Variants in PTPRG observed in about 807,000 individuals in gnomAD.
PTPRG encodes the protein receptor-type tyrosine-protein phosphatase gamma.
A neutral mutation model predicts 165.3 loss-of-function variants in PTPRG; 102 were observed. The observed-to-expected ratio is 0.62, with a 90% CI of 0.53 to 0.73. The LOEUF is 0.73. Among genes scored for constraint, PTPRG ranks in the 30% least tolerant of loss-of-function variants. The probability of loss-of-function intolerance (pLI) is 0.00; values close to 1 mark genes in which losing one functional copy is unlikely to be tolerated. For synonymous variants in PTPRG, 675 were observed against 669.5 expected (o/e 1.01, Z -0.13); for missense variants, 1,866 against 1,861.4 (o/e 1.00, Z -0.05).
intron 5 of PTPRG, among the ~76,000 whole-genome samples, chr3:62,092,869 C>T (rs1423610866): frequency 6.6e-6 from 1 of 152,092 alleles, no homozygotes; most frequent in Non-Finnish European, 1.5e-5. Flanking sequence ...AACAGTTGTG[C>T]AGTGGGAAGG....
intron 1 of PTPRG, among the ~76,000 whole-genome samples, chr3:61,721,371 T>C (rs1259094515): frequency 1.3e-5 from 2 of 152,164 alleles, no homozygotes; most frequent in East Asian, 1.9e-4. Flanking sequence ...GTGCCTCCAG[T>C]AGAGATGTTT....
chr3:62,055,325 G>GA (rs1173319367), intron 4 of PTPRG, among the ~76,000 whole-genome samples: 1 of 152,222 alleles, frequency 6.6e-6, no homozygotes, highest in East Asian at 1.9e-4. Flanking sequence ...AGGCATCACA[G>GA]AAATATCGCT....
At chr3:61,917,590 G>A (rs150604621) in intron 2 of PTPRG, among the ~76,000 whole-genome samples, 8 of 152,228 alleles carry the variant, frequency 5.3e-5, no homozygotes, top group Admixed American at 2.0e-4. Flanking sequence ...TCTTGGTTAC[G>A]TGTCCTGCTA....
chr3:62,040,595 A>G (rs939107594), intron 4 of PTPRG, among the ~76,000 whole-genome samples: 2 of 152,176 alleles, frequency 1.3e-5, no homozygotes, highest in African/African-American at 4.8e-5. Flanking sequence ...CTGGTACTAC[A>G]GGCATGCGCC....
At chr3:61,991,933 T>G (rs1325590386) in intron 3 of PTPRG, among the ~76,000 whole-genome samples, 1 of 152,228 alleles carries the variant, frequency 6.6e-6, no homozygotes, top group African/African-American at 2.4e-5. Flanking sequence ...CAGAAGCTGA[T>G]TATCAATCTG....
At chr3:62,256,843 T>G (rs1701547599) in intron 16 of PTPRG, among the ~76,000 whole-genome samples, 1 of 152,196 alleles carries the variant, frequency 6.6e-6, no homozygotes, top group Non-Finnish European at 1.5e-5. Context: ...TCTGTAAACT[T>G]GATCTGACTT....
At chr3:61,909,947 A>G (rs183476015) in intron 2 of PTPRG, among the ~76,000 whole-genome samples, 22 of 152,298 alleles carry the variant, frequency 1.4e-4, no homozygotes, top group Admixed American at 3.3e-4. Flanking sequence ...TCTTCATGGC[A>G]TACTGTCCTC....
intron 1 of PTPRG, among the ~76,000 whole-genome samples, chr3:61,650,024 T>A (rs141009123): frequency 6.6e-6 from 1 of 152,048 alleles, no homozygotes; most frequent in African/African-American, 2.4e-5. Context: ...ATAAGGGGAG[T>A]CTCTGGTTTC....
chr3:62,035,543 C>T (rs1380377851), intron 4 of PTPRG, among the ~76,000 whole-genome samples: 2 of 152,168 alleles, frequency 1.3e-5, no homozygotes, highest in African/African-American at 2.4e-5. Context: ...TACAAGTATT[C>T]CTGTTCAGCT....
At chr3:61,879,275 G>A (rs1259359741) in intron 2 of PTPRG, among the ~76,000 whole-genome samples, 1 of 152,138 alleles carries the variant, frequency 6.6e-6, no homozygotes, top group African/African-American at 2.4e-5. Flanking sequence ...TCTAGGCTGT[G>A]TTTTTCTCTG....
intron 15 of PTPRG, among the ~76,000 whole-genome samples, chr3:62,246,793 A>G (rs1576175302): frequency 1.3e-5 from 2 of 152,286 alleles, no homozygotes. Context: ...TCTCAGTTAT[A>G]TTTTATCCCT....
intron 1 of PTPRG, among the ~76,000 whole-genome samples, chr3:61,722,417 T>G (rs146700435): frequency 6.6e-6 from 1 of 152,158 alleles, no homozygotes; most frequent in Non-Finnish European, 1.5e-5. Flanking sequence ...TACATTCAAA[T>G]TATAGCAAAG....
chr3:62,083,133 T>C (rs1701634953), intron 5 of PTPRG, among the ~76,000 whole-genome samples: 1 of 152,254 alleles, frequency 6.6e-6, no homozygotes, highest in Non-Finnish European at 1.5e-5. Flanking sequence ...AAAATAATTA[T>C]TTTTTATTTG....
chr3:61,918,653 G>A (rs1367366052), intron 2 of PTPRG, among the ~76,000 whole-genome samples: 10 of 152,156 alleles, frequency 6.6e-5, no homozygotes, highest in Non-Finnish European at 1.5e-5. Flanking sequence ...CAAGAAAGGT[G>A]GCAAGGATAG....
intron 4 of PTPRG, among the ~76,000 whole-genome samples, chr3:62,067,927 A>G (rs1701073728): frequency 6.6e-6 from 1 of 152,186 alleles, no homozygotes; most frequent in African/African-American, 2.4e-5. Flanking sequence ...CCCCATGTTA[A>G]GAACACTGCT....
chr3:61,978,993 T>A (rs1234732902), intron 2 of PTPRG, among the ~76,000 whole-genome samples: 1 of 152,114 alleles, frequency 6.6e-6, no homozygotes, highest in African/African-American at 2.4e-5. Context: ...ATCTGTAAAA[T>A]GGGGAAGGTA....
At chr3:61,694,112 G>T (rs748909061) in intron 1 of PTPRG, among the ~76,000 whole-genome samples, 73 of 152,094 alleles carry the variant, frequency 4.8e-4, no homozygotes, top group South Asian at 1.2e-3. Context: ...TGGGCTTGAG[G>T]ATCTACCATG....
At chr3:62,066,304 G>T (rs1701011092) in intron 4 of PTPRG, among the ~76,000 whole-genome samples, 1 of 152,198 alleles carries the variant, frequency 6.6e-6, no homozygotes, top group African/African-American at 2.4e-5. Context: ...TTCAAAATGG[G>T]AGACATATTG....
At chr3:61,977,257 A>G (rs982846206) in intron 2 of PTPRG, among the ~76,000 whole-genome samples, 26 of 151,466 alleles carry the variant, frequency 1.7e-4, no homozygotes, top group African/African-American at 5.8e-4. Context: ...AACTAGAGGC[A>G]GTGTCACCCC....
Sources: gnomAD v4.1 joint callset for allele counts (sites outside exome capture counted in the v4.1 genomes callset) on GRCh38, gnomAD v4.1.1 for gene constraint, MANE v1.5 for transcripts, NCBI Gene and HGNC (gene_info 2026-07-23, HGNC 2026-07-21) for gene names.